The following MAGI2 variants were observed in gnomAD, a reference collection of about 807,000 sequenced individuals.
The protein encoded by MAGI2 is membrane associated guanylate kinase, WW and PDZ domain containing 2.
A neutral mutation model predicts 133.3 loss-of-function variants in MAGI2; 35 were observed. The ratio of observed to expected loss-of-function variants is 0.26; its 90% CI spans 0.20 to 0.35. MAGI2 has a LOEUF of 0.35. Ranked by LOEUF, MAGI2 falls within the 10% of genes least tolerant of loss-of-function variation. The pLI is 1.00. For synonymous variants in MAGI2, 729 were observed against 710.6 expected, an observed-to-expected ratio of 1.03 and a Z score of -0.41; for missense variants, 1,636 against 1,863.4, an observed-to-expected ratio of 0.88 and a Z score of 2.25.
At chr7:78,536,727 A>AC (rs200606134) in intron 3 of MAGI2, among the ~76,000 whole-genome samples, 1 of 148,678 alleles carries the variant, frequency 6.7e-6, no homozygotes. Flanking sequence ...TTTTTAAAAA[A>AC]TTTCAATAGT....
At chr7:78,569,842 T>C (rs1442232493) in intron 3 of MAGI2, among the ~76,000 whole-genome samples, 1 of 152,196 alleles carries the variant, frequency 6.6e-6, no homozygotes, top group East Asian at 1.9e-4. Flanking sequence ...CTGCCACCAC[T>C]GATCACTTTC....
intron 1 of MAGI2, among the ~76,000 whole-genome samples, chr7:79,244,949 T>A (rs1456444693): frequency 1.3e-5 from 2 of 152,162 alleles, no homozygotes; most frequent in East Asian, 3.9e-4. Flanking sequence ...GCAGTCCTGT[T>A]CCTCTAGTTC....
At chr7:78,064,518 T>C (rs1217864732) in intron 21 of MAGI2, among the ~76,000 whole-genome samples, 1 of 152,172 alleles carries the variant, frequency 6.6e-6, no homozygotes, top group Non-Finnish European at 1.5e-5. Context: ...GAAAATATGT[T>C]TCAGAAAAAA....
chr7:78,590,918 A>C (rs957846737), intron 3 of MAGI2, among the ~76,000 whole-genome samples: 1 of 152,178 alleles, frequency 6.6e-6, no homozygotes, highest in Non-Finnish European at 1.5e-5. Context: ...ATTTCTGAGA[A>C]AAAAGGTAAA....
chr7:78,552,157 T>C (rs1799388603), intron 3 of MAGI2, among the ~76,000 whole-genome samples: 1 of 151,436 alleles, frequency 6.6e-6, no homozygotes, highest in African/African-American at 2.4e-5. Flanking sequence ...CATAGACTTT[T>C]AGGTAGACAT....
chr7:78,381,185 A>G (rs1041136487), intron 6 of MAGI2, among the ~76,000 whole-genome samples: 3 of 152,156 alleles, frequency 2.0e-5, no homozygotes, highest in East Asian at 3.9e-4. Flanking sequence ...TGTCTCTACT[A>G]AAAATACAAA....
At chr7:78,870,355 G>GAA (rs34158706) in intron 2 of MAGI2, among the ~76,000 whole-genome samples, 8 of 109,922 alleles carry the variant, frequency 7.3e-5, no homozygotes, top group Admixed American at 1.9e-4. Flanking sequence ...CCCTGTCTCA[G>GAA]AAAAAAAAAA....
chr7:79,007,140 T>C lies in MAGI2; in HGVS notation c.368A>G (p.His123Arg). The C allele has an allele frequency of 1.2e-6, 2 of 1,613,540 alleles. No homozygotes were observed. The highest frequency in any genetic ancestry group is 1.1e-5 in the South Asian group (1 of 91,028). ...NLRFQKGSVDHELQQIIRDNL... is the reference protein window; with the variant it reads ...NLRFQKGSVDRELQQIIRDNL... ...GTCACGAATGATTTGCTGAAGCTCA[T>C]GGTCCACAGAACCCTTTTGAAATCG... Residue 123 changes from histidine to arginine, a missense_variant, in exon 2 of 22, where the codon CAT becomes CGT. Physicochemically the swap from His to Arg is conservative, Grantham distance 29 (BLOSUM62 0). Coordinates refer to ENST00000354212, the MANE Select transcript of MAGI2 (RefSeq NM_012301.4).
At chr7:78,179,223 T>C (rs1227830558) in intron 13 of MAGI2, among the ~76,000 whole-genome samples, 1 of 152,214 alleles carries the variant, frequency 6.6e-6, no homozygotes, top group East Asian at 1.9e-4. Context: ...GAAGCAGGTA[T>C]TAAGTAAAAT....
At chr7:78,166,343 C>T (rs1002404417) in intron 15 of MAGI2, among the ~76,000 whole-genome samples, 4 of 152,168 alleles carry the variant, frequency 2.6e-5, no homozygotes, top group African/African-American at 9.7e-5. Flanking sequence ...GAACATACAG[C>T]ACAGCAAACT....
At chr7:78,363,625 T>C (rs1203496596) in intron 7 of MAGI2, among the ~76,000 whole-genome samples, 3 of 151,988 alleles carry the variant, frequency 2.0e-5, no homozygotes, top group Non-Finnish European at 4.4e-5. Context: ...TTAGAATTGT[T>C]CACTTTTTGA....
intron 2 of MAGI2, among the ~76,000 whole-genome samples, chr7:78,699,746 T>C (rs1025222050): frequency 2.0e-5 from 3 of 152,176 alleles, no homozygotes; most frequent in African/African-American, 7.2e-5. Context: ...TTTATAATCA[T>C]ATATAACACT....
intron 6 of MAGI2, among the ~76,000 whole-genome samples, chr7:78,473,379 T>C (rs1791424031): frequency 6.6e-6 from 1 of 152,144 alleles, no homozygotes. Flanking sequence ...CCTACAACTT[T>C]GTAACATTTC....
At chr7:78,739,726 C>T (rs1441690935) in intron 2 of MAGI2, among the ~76,000 whole-genome samples, 1 of 152,156 alleles carries the variant, frequency 6.6e-6, no homozygotes, top group African/African-American at 2.4e-5. Flanking sequence ...TAGTTCTCTA[C>T]GTAGGCGCAC....
At chr7:78,258,089 G>A (rs1013163196) in intron 9 of MAGI2, among the ~76,000 whole-genome samples, 1 of 152,208 alleles carries the variant, frequency 6.6e-6, no homozygotes, top group Non-Finnish European at 1.5e-5. Flanking sequence ...AGGGATCCAG[G>A]TTAGGTCTGC....
At chr7:79,295,211 A>C (rs1228100246) in intron 1 of MAGI2, among the ~76,000 whole-genome samples, 1 of 152,198 alleles carries the variant, frequency 6.6e-6, no homozygotes, top group African/African-American at 2.4e-5. Flanking sequence ...TGACAAGCTT[A>C]ATTGGAAATC....
chr7:79,281,105 C>T (rs1258336942), intron 1 of MAGI2, among the ~76,000 whole-genome samples: 1 of 151,914 alleles, frequency 6.6e-6, no homozygotes, highest in Non-Finnish European at 1.5e-5. Context: ...AATGCATGAG[C>T]TGAAAGAAGA....
In MAGI2 at chr7:78,367,998, A is replaced by G. The variant is rs1408718252; in HGVS notation, c.1103+1158T>C. On this transcript the variant is annotated intron_variant, in intron 7 of 21. Coordinates refer to ENST00000354212, the MANE Select transcript of MAGI2 (RefSeq NM_012301.4). ...GTTCAGTGTCCATGTGACACCATAC[A>G]TTAGATACTATGCTAGCAGATTGCA... Among the ~76,000 whole-genome samples, 5 of 152,306 alleles carry G rather than the reference A, an allele frequency of 3.3e-5. No individual in the cohort carries two copies. The South Asian group carries it at 6.2e-4, about 19-fold the overall frequency.
At chr7:78,704,876 A>T (rs1055263099) in intron 2 of MAGI2, among the ~76,000 whole-genome samples, 9 of 147,160 alleles carry the variant, frequency 6.1e-5, no homozygotes, top group Non-Finnish European at 7.4e-5. Flanking sequence ...TGAGGAGGCC[A>T]TTATTCTAAG....
Sources: allele counts gnomAD v4.1 joint callset (sites outside exome capture counted in the v4.1 genomes callset), GRCh38; gene constraint gnomAD v4.1.1; transcripts MANE v1.5; gene names NCBI Gene and HGNC (gene_info 2026-07-23, HGNC 2026-07-21).